RANBP2: variants seen among roughly 807,000 people sequenced by gnomAD.
RANBP2 encodes RAN binding protein 2.
In RANBP2, 57 loss-of-function variants were observed where a neutral mutation model predicts 303.6. The ratio of observed to expected loss-of-function variants is 0.19; its 90% confidence interval spans 0.15 to 0.23. The LOEUF (loss-of-function observed/expected upper bound fraction) is 0.23. RANBP2 is among the 10% of genes least tolerant of loss of function. The pLI is 1.00. For missense variants in RANBP2, 3,138 were observed against 3,780.8 expected (o/e 0.83, Z 4.46); for synonymous variants, 1,167 against 1,301.5 (o/e 0.90, Z 2.23).
chr2:108,731,518 A>C, intron 4 of RANBP2, 44 bp downstream of exon 4: 1 of 1,608,934 alleles, frequency 6.2e-7, no homozygotes, highest in South Asian at 1.1e-5. Flanking sequence ...AGACATAACC[A>C]TTTCTAATAT....
the RANBP2 span, among the ~76,000 whole-genome samples, chr2:109,159,670 G>A: frequency 9.9e-5 from 15 of 152,180 alleles, no homozygotes; most frequent in Non-Finnish European, 8.8e-5. Context: ...GCGGGAGAGC[G>A]AGCAAAGCTA....
At chr2:108,906,532 CCTT>C in the RANBP2 span, among the ~76,000 whole-genome samples, 1 of 152,178 alleles carries the variant, frequency 6.6e-6, no homozygotes, top group African/African-American at 2.4e-5. Flanking sequence ...GGGAGGAGGG[CCTT>C]CTTCAGGTTT....
At chr2:108,992,599 G>T in the RANBP2 span, among the ~76,000 whole-genome samples, 1 of 152,158 alleles carries the variant, frequency 6.6e-6, no homozygotes, top group African/African-American at 2.4e-5. Flanking sequence ...TAAACTTCTG[G>T]TTACCTGCAG....
At chr2:109,450,639 AT>A in the RANBP2 span, among the ~76,000 whole-genome samples, 1 of 152,234 alleles carries the variant, frequency 6.6e-6, no homozygotes. Flanking sequence ...ATGTTTTAAA[AT>A]TGTTGATGAG....
chr2:109,751,589 C>G, the RANBP2 span, among the ~76,000 whole-genome samples: 7 of 95,094 alleles, frequency 7.4e-5, no homozygotes, highest in East Asian at 5.7e-4. Flanking sequence ...CTTTCAGTCC[C>G]CTTCCAACTT....
At chr2:109,661,670 G>A in the RANBP2 span, among the ~76,000 whole-genome samples, 2,534 of 152,312 alleles carry the variant, frequency 0.017, 31 homozygotes, top group Middle Eastern at 0.051. Context: ...ATAAGGGTGA[G>A]CCTAGAAAGT....
At chr2:109,665,026 G>A in the RANBP2 span, among the ~76,000 whole-genome samples, 1 of 151,724 alleles carries the variant, frequency 6.6e-6, no homozygotes, top group African/African-American at 2.4e-5. Context: ...ATACCAAAAT[G>A]AGATATCACA....
At chr2:109,794,739 G>C in the RANBP2 span, 1 of 490,582 alleles carries the variant, frequency 2.0e-6, no homozygotes, top group Non-Finnish European at 2.3e-6. Context: ...GCGCTTGCAA[G>C]CGCAGGAAGA....
chr2:109,410,657 G>T, the RANBP2 span, among the ~76,000 whole-genome samples: 1 of 152,258 alleles, frequency 6.6e-6, no homozygotes, highest in Non-Finnish European at 1.5e-5. Context: ...GCCACTGCAT[G>T]TCAGCCAGCT....
At chr2:109,608,067 C>CTATACATCT in the RANBP2 span, among the ~76,000 whole-genome samples, 1,068 of 152,364 alleles carry the variant, frequency 7.0e-3, 3 homozygotes, top group Non-Finnish European at 0.012. Flanking sequence ...CATCTATACA[C>CTATACATCT]ATAGAATTAA....
chr2:108,830,808 C>T, the RANBP2 span, among the ~76,000 whole-genome samples: 1 of 148,108 alleles, frequency 6.8e-6, no homozygotes, highest in Non-Finnish European at 1.5e-5. Context: ...AACTCCGTCT[C>T]AAATAAAAAA....
the RANBP2 span, among the ~76,000 whole-genome samples, chr2:109,137,940 G>A: frequency 2.0e-5 from 3 of 152,238 alleles, no homozygotes. Flanking sequence ...AGGCCAGGCC[G>A]ACTTCTGGAG....
At chr2:109,639,287 G>T in the RANBP2 span, among the ~76,000 whole-genome samples, 1 of 152,144 alleles carries the variant, frequency 6.6e-6, no homozygotes, top group African/African-American at 2.4e-5. Context: ...TCTTCTGCAG[G>T]CTTTAATAAG....
At chr2:108,982,374 C>T in the RANBP2 span, among the ~76,000 whole-genome samples, 2 of 152,246 alleles carry the variant, frequency 1.3e-5, no homozygotes, top group African/African-American at 2.4e-5. Flanking sequence ...AGGCCTCCAT[C>T]TCCAGAGGCT....
the RANBP2 span, among the ~76,000 whole-genome samples, chr2:109,296,401 G>T: frequency 0.037 from 5,459 of 149,432 alleles, 323 homozygotes; most frequent in African/African-American, 0.13. Flanking sequence ...TTTTTTTTTT[G>T]TGTGTGTGTT....
chr2:108,742,060 G>T (rs190202120), intron 7 of RANBP2, among the ~76,000 whole-genome samples: 3 of 148,818 alleles, frequency 2.0e-5, no homozygotes, highest in Non-Finnish European at 4.5e-5. Context: ...GCAGTGGCGC[G>T]ATCTGGCTCA....
At chr2:109,560,070 G>A in the RANBP2 span, among the ~76,000 whole-genome samples, 26 of 151,916 alleles carry the variant, frequency 1.7e-4, no homozygotes, top group Non-Finnish European at 2.1e-4. Context: ...ACAGGTGCCC[G>A]CCACCACGCC....
At chr2:109,512,651 C>A in the RANBP2 span, among the ~76,000 whole-genome samples, 1 of 152,164 alleles carries the variant, frequency 6.6e-6, no homozygotes, top group Non-Finnish European at 1.5e-5. Context: ...TCGTGGGAGG[C>A]AAGTCAGCCA....
chr2:109,279,440 G>C, the RANBP2 span, among the ~76,000 whole-genome samples: 1 of 152,166 alleles, frequency 6.6e-6, no homozygotes, highest in South Asian at 2.1e-4. Flanking sequence ...TGTCTACTGG[G>C]TCTTCCTCCA....
Sources: allele counts gnomAD v4.1 joint callset (sites outside exome capture counted in the v4.1 genomes callset), GRCh38; gene constraint gnomAD v4.1.1; transcripts MANE v1.5; gene names NCBI Gene and HGNC (gene_info 2026-07-23, HGNC 2026-07-21).